Variants in INSL4 observed in about 807,000 individuals in gnomAD.
INSL4 encodes insulin like 4, also known as early placenta insulin-like peptide.
A neutral mutation model predicts 6.5 loss-of-function variants in INSL4; 7 were observed. That is an observed-to-expected ratio of 1.08 (90% CI 0.61 to 2.02). The LOEUF is 2.02. Among genes scored for constraint, INSL4 ranks in the 30% most tolerant of loss-of-function variants. INSL4 has a pLI of 0.00. For missense variants in INSL4, 226 were observed against 163.2 expected, an observed-to-expected ratio of 1.38 and a Z score of -2.09; for synonymous variants, 82 against 65.8, an observed-to-expected ratio of 1.25 and a Z score of -1.19.
intron 1 of INSL4, 87 bp downstream of exon 1, chr9:5,231,806 C>A: frequency 1.7e-6 from 2 of 1,185,084 alleles, no homozygotes; most frequent in Non-Finnish European, 2.4e-6. Flanking sequence ...TCAACTCAGA[C>A]TCTACTGTGG....
chr9:5,231,754 G>A lies in INSL4; in HGVS notation c.196+35G>A, dbSNP rs533868903. 96 of 1,590,906 alleles carry A rather than the reference G, an allele frequency of 6.0e-5. 1 individual carries two copies. In the South Asian group the frequency reaches 1.0e-3, roughly 17 times the overall value. On this transcript the variant is annotated intron_variant, in intron 1 of 1. Coordinates refer to ENST00000239316, the MANE Select transcript of INSL4 (RefSeq NM_002195.2). The stretch of plus-strand genomic sequence containing the variant: ...CTGGACTACCAAACAATCAGAATGA[G>A]GCCTGAAAAAACAGGCTCCAGATCT...
intron 1 of INSL4, among the ~76,000 whole-genome samples, chr9:5,232,568 A>C (rs1489313896): frequency 6.6e-6 from 1 of 152,196 alleles, no homozygotes; most frequent in Non-Finnish European, 1.5e-5. Context: ...GCAAGATTTC[A>C]GAATTGAGGA....
At chr9:5,232,222 C>G (rs369864995) in intron 1 of INSL4, among the ~76,000 whole-genome samples, 1 of 152,120 alleles carries the variant, frequency 6.6e-6, no homozygotes, top group African/African-American at 2.4e-5. Context: ...ACACTGAGAC[C>G]TCTGTTAGGT....
chr9:5,233,528 C>G (rs1044700083), intron 1 of INSL4, 126 bp from the exon 2 acceptor site: 2 of 669,614 alleles, frequency 3.0e-6, no homozygotes, highest in East Asian at 2.7e-5. Context: ...CTTGCTGATT[C>G]TCTCTGGTGT....
rs779163551 is a variant in INSL4, at chr9:5,234,455, G to C, written c.*578G>C. 6.5e-6 allele frequency: 1 copy of C among 154,184 alleles called. No individual in the cohort carries two copies. The highest frequency in any genetic ancestry group is 1.4e-5 in the Non-Finnish European group (1 of 69,524). 9.6% of individuals were successfully genotyped at this position (154,184 alleles called of 1,614,324 possible). A position where few individuals can be genotyped will look rare whatever the true frequency, so the allele number is the denominator to read the frequency against. On this transcript the variant is annotated 3_prime_UTR_variant, in exon 2 of 2. Coordinates refer to ENST00000239316, the MANE Select transcript of INSL4 (RefSeq NM_002195.2). Reference sequence around the variant, plus strand: ...CATAGTACGGAGGAAAAGCAGTGAAGGAATGAACTGGTGGGAGAGGTATTA... The same window carrying C: ...CATAGTACGGAGGAAAAGCAGTGAACGAATGAACTGGTGGGAGAGGTATTA...
chr9:5,231,726 G>T lies in INSL4; in HGVS notation c.196+7G>T. ...GAATCTGGACGTCCCAAAGGTGAGAGCCCTGGACTACCAAACAATCAGAAT... is the reference window on the plus strand; with the variant it reads ...GAATCTGGACGTCCCAAAGGTGAGATCCCTGGACTACCAAACAATCAGAAT... On this transcript the variant is annotated splice_region_variant and intron_variant, in intron 1 of 1. Transcript: ENST00000239316. The T allele has an allele frequency of 6.2e-7, 1 of 1,612,050 alleles. No homozygotes were observed. The highest frequency in any genetic ancestry group is 1.1e-5 in the South Asian group (1 of 90,912).
In INSL4 at chr9:5,231,691, G is replaced by A. The variant is rs201096576; in HGVS notation, c.168G>A (p.Gly56=). Residue 56 remains glycine, a synonymous_variant, in exon 1 of 2, where the codon GGG becomes GGA. Coordinates refer to ENST00000239316, the MANE Select transcript of INSL4 (RefSeq NM_002195.2). ...PEKTFTTTPG[G]WLLESGRPKE... ...AGACATTCACCACCACCCCAGGAGGGTGGCTGCTGGAATCTGGACGTCCCA... is the reference window on the plus strand; with the variant it reads ...AGACATTCACCACCACCCCAGGAGGATGGCTGCTGGAATCTGGACGTCCCA... 2 of 1,613,740 alleles carry A rather than the reference G, an allele frequency of 1.2e-6. No homozygotes were observed. The highest frequency in any genetic ancestry group is 1.7e-6 in the Non-Finnish European group (2 of 1,179,778).
rs1397601390 is a variant in INSL4 at position 5,234,563 on chromosome 9, GC to G, written c.*688del. Reference sequence around the variant, plus strand: ...TCCTCCACCTGCCTCTCAGCACGCTGCCTTTAGACCTTCAATCATTCTATAA... The same window carrying G: ...TCCTCCACCTGCCTCTCAGCACGCTGCTTTAGACCTTCAATCATTCTATAA... On this transcript the variant is annotated 3_prime_UTR_variant, in exon 2 of 2. Coordinates refer to ENST00000239316, the MANE Select transcript of INSL4 (RefSeq NM_002195.2). 6.5e-6 allele frequency: 1 copy of G among 152,754 alleles called. No homozygotes were observed. Among genetic ancestry groups the G allele is most frequent in the African/African-American group, 2.4e-5 (1 of 41,442 alleles). The allele number at this position is 152,754 out of a possible 1,614,324, so 9.5% of individuals were successfully genotyped here.
Position 5,234,758 on chromosome 9 carries a change from G to T in INSL4, c.*881G>T, listed in dbSNP as rs931140688. ...CAGTGAGGTTCTACTAGTTGTGTTT[G>T]TTTGTTTGCAGGCTAACTGAAGCTG... On this transcript the variant is annotated 3_prime_UTR_variant, in exon 2 of 2. Transcript: ENST00000239316. The T allele has an allele frequency of 6.6e-6, 1 of 152,214 alleles. No homozygotes were observed. Among genetic ancestry groups the T allele is most frequent in the African/African-American group, 2.4e-5 (1 of 41,564 alleles). 9.4% of individuals were successfully genotyped at this position (152,214 alleles called of 1,614,324 possible).
rs752484283 is a variant in INSL4 at position 5,233,680 on chromosome 9, G to T, written c.223G>T (p.Asp75Tyr). ...KEMVSTSNNK[D>Y]GQALGTTSEF... ...AATGGTGTCAACCTCCAACAACAAA[G>T]ATGGACAAGCCTTAGGTACGACATC... Residue 75 changes from aspartate to tyrosine, a missense_variant, in exon 2 of 2, where the codon GAT becomes TAT. Coordinates refer to ENST00000239316, the MANE Select transcript of INSL4 (RefSeq NM_002195.2). 6.2e-7 allele frequency: 1 copy of T among 1,613,504 alleles called. No individual in the cohort carries two copies. The highest frequency in any genetic ancestry group is 8.5e-7 in the Non-Finnish European group (1 of 1,179,672).
In INSL4 at chr9:5,234,762, G is replaced by A. The variant is rs1048674542; in HGVS notation, c.*885G>A. ...GAGGTTCTACTAGTTGTGTTTGTTT[G>A]TTTGCAGGCTAACTGAAGCTGCTAC... is the stretch of plus-strand genomic sequence containing the variant. On this transcript the variant is annotated 3_prime_UTR_variant, in exon 2 of 2. Transcript: ENST00000239316. 1 of 152,080 alleles carries A rather than the reference G, an allele frequency of 6.6e-6. No individual in the cohort carries two copies. The highest frequency in any genetic ancestry group is 1.9e-4 in the East Asian group (1 of 5,190). 9.4% of individuals were successfully genotyped at this position (152,080 alleles called of 1,614,324 possible).
At position 5,233,818 on chromosome 9, in the gene INSL4, G is replaced by T. The variant is rs764060986; in HGVS notation, c.361G>T (p.Asp121Tyr). Residue 121 changes from aspartate (D) to tyrosine (Y), a missense_variant, in exon 2 of 2, where the codon GAT becomes TAT. By Grantham distance (160) the Asp-to-Tyr change is radical. Transcript: ENST00000239316. ...RKKRSGRHRFDPFCCEVICDD... is the reference protein window; with the variant it reads ...RKKRSGRHRFYPFCCEVICDD... Reference sequence around the variant, plus strand: ...AAAGAGAAGTGGACGTCACAGATTTGATCCATTCTGTTGTGAAGTAATTTG... The same window carrying T: ...AAAGAGAAGTGGACGTCACAGATTTTATCCATTCTGTTGTGAAGTAATTTG... The T allele has an allele frequency of 5.1e-5, 83 of 1,613,530 alleles. No individual in the cohort carries two copies. Among genetic ancestry groups the T allele is most frequent in the Non-Finnish European group, 6.9e-5 (81 of 1,179,700 alleles).
In INSL4 at chr9:5,233,920, A is replaced by T; in HGVS notation, c.*43A>T. 7.6e-7 allele frequency: 1 copy of T among 1,311,514 alleles called. No homozygotes were observed. The highest frequency in any genetic ancestry group is 1.1e-6 in the Non-Finnish European group (1 of 910,338). 81.2% of individuals were successfully genotyped at this position (1,311,514 alleles called of 1,614,324 possible). A position where few individuals can be genotyped will look rare whatever the true frequency, so the allele number is the denominator to read the frequency against. On this transcript the variant is annotated 3_prime_UTR_variant, in exon 2 of 2. Transcript: ENST00000239316. Reference sequence around the variant, plus strand: ...GGACATCTCATCCATTCTCATATGTATTCTCAATGACAAATTCACTGATGC... The same window carrying T: ...GGACATCTCATCCATTCTCATATGTTTTCTCAATGACAAATTCACTGATGC...
rs769647791 is a variant in INSL4 at position 5,231,558 on chromosome 9, T to G, written c.35T>G (p.Ile12Ser). 2 of 1,613,590 alleles carry G rather than the reference T, an allele frequency of 1.2e-6. No homozygotes were observed. The highest frequency in any genetic ancestry group is 1.7e-4 in the Middle Eastern group (1 of 5,896). ...ASLFRSYLPA[I>S]WLLLSQLLRE... is the part of the protein sequence containing the mutation. ...CTGTTCCGGTCCTATCTGCCAGCAATCTGGCTGCTGCTGAGCCAACTCCTT... is the reference window on the plus strand; with the variant it reads ...CTGTTCCGGTCCTATCTGCCAGCAAGCTGGCTGCTGCTGAGCCAACTCCTT... The change falls in exon 1 of 2, where the codon ATC becomes AGC. Residue 12 changes from isoleucine to serine, a missense_variant. Ile to Ser is a moderately radical substitution (Grantham distance 142). Coordinates refer to ENST00000239316, the MANE Select transcript of INSL4 (RefSeq NM_002195.2).
At chr9:5,231,798 A>G in intron 1 of INSL4, 79 bp downstream of exon 1, 1 of 1,265,412 alleles carries the variant, frequency 7.9e-7, no homozygotes, top group Non-Finnish European at 1.1e-6. Flanking sequence ...GCCTGTAGTC[A>G]ACTCAGACTC....
At chr9:5,232,123 G>C (rs552266654) in intron 1 of INSL4, among the ~76,000 whole-genome samples, 1 of 152,082 alleles carries the variant, frequency 6.6e-6, no homozygotes, top group Admixed American at 6.6e-5. Flanking sequence ...CCTGGGCCAG[G>C]CATCTTCAAT....
Position 5,231,640 on chromosome 9 carries a change from G to C in INSL4, c.117G>C (p.Leu39Phe), listed in dbSNP as rs773367710. 1.9e-6 allele frequency: 3 copies of C among 1,613,866 alleles called. No homozygotes were observed. In the East Asian group the frequency reaches 6.7e-5, roughly 36 times the overall value. ...RGCGPRFGKH[L>F]LSYCPMPEKT... ...GTGGTCCCCGATTTGGAAAACACTT[G>C]CTGTCATATTGCCCCATGCCTGAGA... Residue 39 changes from leucine (L) to phenylalanine (F), a missense_variant, in exon 1 of 2, where the codon TTG becomes TTC. Leu to Phe is a conservative substitution (Grantham distance 22). Coordinates refer to ENST00000239316, the MANE Select transcript of INSL4 (RefSeq NM_002195.2).
chr9:5,233,608 C>T (rs781459652), intron 1 of INSL4, 46 bp from the exon 2 acceptor site: 1 of 1,468,182 alleles, frequency 6.8e-7, no homozygotes, highest in African/African-American at 1.4e-5. Flanking sequence ...TCCTCTTTCA[C>T]ATGAATGTTT....
rs2130951942 is a variant in INSL4 at position 5,233,770 on chromosome 9, A to T, written c.313A>T (p.Lys105Ter). Reference protein sequence around the residue: ...KPLSEGQPSLKKIILSRKKRS... With the variant: ...KPLSEGQPSL ...ACTGTCTGAAGGGCAGCCATCATTG[A>T]AGAAAATAATACTTTCCCGCAAAAA... Residue 105 changes from lysine (K) to a stop codon, truncating the protein, a stop_gained, in exon 2 of 2, where the codon AAG (lysine) becomes TAG (stop). Coordinates refer to ENST00000239316, the MANE Select transcript of INSL4 (RefSeq NM_002195.2). LOFTEE classifies it low-confidence loss of function (END_TRUNC). 1 of 1,613,762 alleles carries T rather than the reference A, an allele frequency of 6.2e-7. No homozygotes were observed. The highest frequency in any genetic ancestry group is 8.5e-7 in the Non-Finnish European group (1 of 1,179,760).
Sources: allele counts gnomAD v4.1 joint callset (sites outside exome capture counted in the v4.1 genomes callset), GRCh38; gene constraint gnomAD v4.1.1; transcripts MANE v1.5; gene names NCBI Gene and HGNC (gene_info 2026-07-23, HGNC 2026-07-21).